PTPN9: variants seen among roughly 807,000 people sequenced by gnomAD.
PTPN9 encodes protein tyrosine phosphatase non-receptor type 9.
In PTPN9, 26 loss-of-function variants were observed where a neutral mutation model predicts 69.8. The observed-to-expected ratio is 0.37, with a 90% CI of 0.27 to 0.52. PTPN9 has a LOEUF of 0.52. Among genes scored for constraint, PTPN9 ranks in the 20% least tolerant of loss-of-function variants. The probability of loss-of-function intolerance (pLI) is 0.91; values close to 1 mark genes in which losing one functional copy is unlikely to be tolerated. For synonymous variants in PTPN9, 274 were observed against 272.5 expected (o/e 1.01, Z -0.05); for missense variants, 549 against 740.3 (o/e 0.74, Z 3.00).
intron 1 of PTPN9, among the ~76,000 whole-genome samples, chr15:75,543,898 CA>C (rs138854264): frequency 0.023 from 3,503 of 152,202 alleles, 57 homozygotes; most frequent in South Asian, 0.037. Context: ...GAGCTCTACA[CA>C]GGGGTAAAGG....
intron 1 of PTPN9, among the ~76,000 whole-genome samples, chr15:75,528,292 C>G (rs2074940029): frequency 6.6e-6 from 1 of 152,138 alleles, no homozygotes; most frequent in South Asian, 2.1e-4. Flanking sequence ...TTTATGCACT[C>G]TCATCCTATT....
chr15:75,511,403 T>A (rs549685893), intron 5 of PTPN9, among the ~76,000 whole-genome samples: 62 of 152,076 alleles, frequency 4.1e-4, no homozygotes, highest in Non-Finnish European at 7.5e-4. Context: ...CATGCCTGTC[T>A]AATTTTGTAT....
chr15:75,525,646 G>A (rs1277951390), intron 2 of PTPN9, among the ~76,000 whole-genome samples: 4 of 151,352 alleles, frequency 2.6e-5, no homozygotes, highest in Non-Finnish European at 5.9e-5. Context: ...GGCTGGGCAC[G>A]GTGGCTCATG....
intron 8 of PTPN9, among the ~76,000 whole-genome samples, chr15:75,483,996 A>G (rs1308629301): frequency 1.3e-5 from 2 of 152,210 alleles, no homozygotes; most frequent in African/African-American, 4.8e-5. Context: ...AAAGGGCTGT[A>G]GAAGCTCAGG....
chr15:75,542,866 ACTTTT>A (rs2075015234), intron 1 of PTPN9, among the ~76,000 whole-genome samples: 1 of 147,344 alleles, frequency 6.8e-6, no homozygotes, highest in Non-Finnish European at 1.5e-5. Context: ...TTTTAATTAT[ACTTTT>A]AAGTTTTCGG....
intron 9 of PTPN9, among the ~76,000 whole-genome samples, chr15:75,475,822 C>T (rs1359287802): frequency 6.6e-6 from 1 of 152,016 alleles, no homozygotes; most frequent in African/African-American, 2.4e-5. Flanking sequence ...ACTAAATATC[C>T]AATAAGAGAG....
chr15:75,537,443 T>TTAAA (rs71440249), intron 1 of PTPN9, among the ~76,000 whole-genome samples: 1 of 20,344 alleles, frequency 4.9e-5, no homozygotes, highest in Admixed American at 7.7e-4. Flanking sequence ...ATATCTTCCC[T>TTAAA]AAAAAAAAAA....
intron 1 of PTPN9, among the ~76,000 whole-genome samples, chr15:75,562,426 G>A (rs796557961): frequency 2.6e-5 from 4 of 152,232 alleles, no homozygotes; most frequent in African/African-American, 7.2e-5. Context: ...TGTCATACAC[G>A]AACATACATG....
chr15:75,523,589 G>T (rs573012273), intron 3 of PTPN9, among the ~76,000 whole-genome samples: 104 of 152,330 alleles, frequency 6.8e-4, no homozygotes, highest in Non-Finnish European at 1.4e-3. Flanking sequence ...CCAGGGAACA[G>T]GACCATGATT....
At chr15:75,502,216 G>A (rs1345902552) in intron 7 of PTPN9, among the ~76,000 whole-genome samples, 1 of 152,106 alleles carries the variant, frequency 6.6e-6, no homozygotes, top group Admixed American at 6.6e-5. Context: ...GGAGGCTGAG[G>A]CAGGCAGATC....
rs951329130 is a variant in PTPN9 at position 75,468,556 on chromosome 15, TA to T, written c.*212del. The T allele has an allele frequency of 2.0e-6, 1 of 495,746 alleles. No homozygotes were observed. The highest frequency in any genetic ancestry group is 1.9e-5 in the African/African-American group (1 of 52,864). The allele number at this position is 495,746 out of a possible 1,614,324, so 30.7% of individuals were successfully genotyped here. ...CAGTTTGATAGCAGATGCTAGGAAT[TA>T]AGAACACATTGCTACTGGCCCTTTC... is the stretch of plus-strand genomic sequence containing the variant. On this transcript the variant is annotated 3_prime_UTR_variant, in exon 13 of 13. Transcript: ENST00000618819.
chr15:75,543,217 A>G (rs944389905), intron 1 of PTPN9, among the ~76,000 whole-genome samples: 3 of 152,014 alleles, frequency 2.0e-5, no homozygotes, highest in African/African-American at 7.2e-5. Context: ...TTTCTAGAGC[A>G]AGATTTTGCC....
At chr15:75,505,150 G>A (rs2074811440) in intron 7 of PTPN9, among the ~76,000 whole-genome samples, 1 of 151,576 alleles carries the variant, frequency 6.6e-6, no homozygotes, top group African/African-American at 2.4e-5. Context: ...GTTGATCGGT[G>A]ACCTTACCCC....
In PTPN9 at chr15:75,475,558, G is replaced by A. The variant is rs574074027; in HGVS notation, c.1130-1791C>T. ...AACCAAGATCGCACCATTGAACTCC[G>A]GCCTGGGCGACAGCAAGACTCCATC... On this transcript the variant is annotated intron_variant, in intron 9 of 12. Coordinates refer to ENST00000618819, the MANE Select transcript of PTPN9 (RefSeq NM_002833.4). Among the ~76,000 whole-genome samples, 15 of 152,038 alleles carry A rather than the reference G, an allele frequency of 9.9e-5. No individual in the cohort carries two copies. The South Asian group carries it at 1.7e-3, about 17-fold the overall frequency.
intron 5 of PTPN9, among the ~76,000 whole-genome samples, chr15:75,512,140 C>T (rs1470906086): frequency 3.3e-5 from 5 of 152,070 alleles, no homozygotes; most frequent in Admixed American, 6.6e-5. Flanking sequence ...CCACTGTACC[C>T]GGCCTCCTTT....
intron 4 of PTPN9, among the ~76,000 whole-genome samples, chr15:75,518,126 C>G (rs1057365546): frequency 1.4e-4 from 22 of 152,130 alleles, no homozygotes; most frequent in African/African-American, 5.3e-4. Context: ...AGTCTCAGTA[C>G]TTTGGGAGGC....
intron 1 of PTPN9, among the ~76,000 whole-genome samples, chr15:75,544,506 G>A (rs776315508): frequency 1.3e-5 from 2 of 152,104 alleles, no homozygotes; most frequent in Non-Finnish European, 2.9e-5. Context: ...TTCCAGCCTG[G>A]GTGACAGAGC....
At position 75,470,002 on chromosome 15, in the gene PTPN9, T is replaced by C; in HGVS notation, c.1360-3A>G. The C allele has an allele frequency of 6.2e-7, 1 of 1,607,284 alleles. No individual in the cohort carries two copies. The highest frequency in any genetic ancestry group is 8.5e-7 in the Non-Finnish European group (1 of 1,173,792). ...GTCACCTGGCGTTTCTGCCGTTCCT[T>C]AGATAAGAAAAGAAGTAAACGTTAA... On this transcript the variant is annotated splice_polypyrimidine_tract_variant and splice_region_variant and intron_variant, in intron 11 of 12. Transcript: ENST00000618819.
At chr15:75,494,455 G>A (rs1000562518) in intron 7 of PTPN9, among the ~76,000 whole-genome samples, 1 of 151,594 alleles carries the variant, frequency 6.6e-6, no homozygotes, top group African/African-American at 2.4e-5. Context: ...CAGGTTCAAG[G>A]GATTCTTCTG....
Sources: gnomAD v4.1 joint callset for allele counts (sites outside exome capture counted in the v4.1 genomes callset) on GRCh38, gnomAD v4.1.1 for gene constraint, MANE v1.5 for transcripts, NCBI Gene and HGNC (gene_info 2026-07-23, HGNC 2026-07-21) for gene names.